NAALADL2: variants seen among roughly 807,000 people sequenced by gnomAD.
NAALADL2 encodes inactive N-acetylated-alpha-linked acidic dipeptidase-like protein 2.
Under a neutral mutation model 87.2 loss-of-function variants are expected in NAALADL2, and 76 were observed. The observed-to-expected ratio is 0.87, with a 90% CI of 0.72 to 1.05. The LOEUF (loss-of-function observed/expected upper bound fraction) is 1.05, where lower values mean the gene tolerates loss of function less well. Among genes scored for constraint, NAALADL2 ranks in the 50% least tolerant of loss-of-function variants. NAALADL2 has a pLI of 0.00. For missense variants in NAALADL2, 1,089 were observed against 945.8 expected, an observed-to-expected ratio of 1.15 and a Z score of -1.99; for synonymous variants, 354 against 331.0, an observed-to-expected ratio of 1.07 and a Z score of -0.75.
chr3:175,236,535 T>G (rs1398045534), intron 3 of NAALADL2, among the ~76,000 whole-genome samples: 4 of 116,694 alleles, frequency 3.4e-5, no homozygotes, highest in Admixed American at 1.0e-4. Context: ...GCAACAAGAG[T>G]GAAACTCCTT....
At chr3:174,786,858 T>G (rs1190386108) in intron 3 of NAALADL2, among the ~76,000 whole-genome samples, 1 of 152,102 alleles carries the variant, frequency 6.6e-6, no homozygotes, top group Non-Finnish European at 1.5e-5. Flanking sequence ...AAAATTAAAT[T>G]GTCGTCTTCT....
intron 2 of NAALADL2, among the ~76,000 whole-genome samples, chr3:174,636,847 A>G (rs978201354): frequency 6.6e-6 from 1 of 152,198 alleles, no homozygotes; most frequent in African/African-American, 2.4e-5. Flanking sequence ...ATACATCAGC[A>G]TGTCAAAGAC....
intron 3 of NAALADL2, among the ~76,000 whole-genome samples, chr3:174,854,304 C>T (rs1560289125): frequency 6.6e-6 from 1 of 152,054 alleles, no homozygotes; most frequent in Non-Finnish European, 1.5e-5. Flanking sequence ...TGCATGTTCT[C>T]ACTCATATGT....
At chr3:175,654,072 G>A (rs1053018409) in intron 11 of NAALADL2, among the ~76,000 whole-genome samples, 4 of 152,132 alleles carry the variant, frequency 2.6e-5, no homozygotes, top group African/African-American at 4.8e-5. Context: ...CTGACCCCTG[G>A]ATTTTATCAT....
chr3:175,734,391 A>ACATGTTTTGTAC (rs1198133784), intron 11 of NAALADL2, among the ~76,000 whole-genome samples: 252 of 152,094 alleles, frequency 1.7e-3, no homozygotes, highest in African/African-American at 5.8e-3. Flanking sequence ...CATCTCTACT[A>ACATGTTTTGTAC]AAAATACAAA....
chr3:174,597,672 C>T (rs1718048560), intron 2 of NAALADL2, among the ~76,000 whole-genome samples: 1 of 152,192 alleles, frequency 6.6e-6, no homozygotes, highest in South Asian at 2.1e-4. Flanking sequence ...AAACCCTTTG[C>T]AGTGCATCTT....
chr3:175,312,850 C>T (rs919847562), intron 4 of NAALADL2, among the ~76,000 whole-genome samples: 5 of 152,148 alleles, frequency 3.3e-5, no homozygotes, highest in African/African-American at 1.2e-4. Flanking sequence ...ATAATTTGAC[C>T]TAAAGTTGAC....
rs546135129 is a variant in NAALADL2 at position 174,606,660 on chromosome 3, T to C, written c.-115+56023T>C. The stretch of plus-strand genomic sequence containing the variant: ...AAATGAACAAAGCCTCCAAGAAATA[T>C]GGGACTATGTGAAAAGACCAAATCT... On this transcript the variant is annotated intron_variant, in intron 2 of 3. Transcript: ENST00000434257. Among the ~76,000 whole-genome samples the C allele has an allele frequency of 1.9e-3, 292 of 152,194 alleles. 2 individuals are homozygous for C. The highest frequency in any genetic ancestry group is 6.5e-3 in the African/African-American group (271 of 41,518).
intron 1 of NAALADL2, among the ~76,000 whole-genome samples, chr3:174,509,661 C>T (rs1386108904): frequency 2.2e-5 from 3 of 139,372 alleles, no homozygotes; most frequent in Non-Finnish European, 3.0e-5. Flanking sequence ...CTCCTGACCT[C>T]GTAATCCGCC....
chr3:175,343,596 C>A (rs1457770198), intron 5 of NAALADL2, among the ~76,000 whole-genome samples: 5 of 145,504 alleles, frequency 3.4e-5, no homozygotes, highest in Non-Finnish European at 7.4e-5. Context: ...CCTGGTCTTT[C>A]ATGCATTATG....
At chr3:174,481,517 C>G (rs897373384) in intron 1 of NAALADL2, among the ~76,000 whole-genome samples, 1 of 152,028 alleles carries the variant, frequency 6.6e-6, no homozygotes, top group Non-Finnish European at 1.5e-5. Flanking sequence ...GTCTACACAG[C>G]CAAATTACAC....
chr3:175,072,181 C>G (rs757631757), intron 1 of NAALADL2, among the ~76,000 whole-genome samples: 1 of 152,006 alleles, frequency 6.6e-6, no homozygotes, highest in Non-Finnish European at 1.5e-5. Context: ...CAAAAAAGGA[C>G]AGGCTAGTGT....
At chr3:175,494,448 C>T (rs1281224610) in intron 9 of NAALADL2, among the ~76,000 whole-genome samples, 2 of 152,084 alleles carry the variant, frequency 1.3e-5, no homozygotes, top group Admixed American at 6.6e-5. Context: ...GGAAATTATA[C>T]ATTCCCTGTC....
At chr3:175,400,531 A>C (rs1770428621) in intron 5 of NAALADL2, among the ~76,000 whole-genome samples, 1 of 152,166 alleles carries the variant, frequency 6.6e-6, no homozygotes, top group African/African-American at 2.4e-5. Context: ...ACAAAACAAT[A>C]AAAATAAGCA....
At position 175,755,321 on chromosome 3, in the gene NAALADL2, A is replaced by G; in HGVS notation, c.2092A>G (p.Lys698Glu). 1 of 1,613,646 alleles carries G rather than the reference A, an allele frequency of 6.2e-7. No homozygotes were observed. The highest frequency in any genetic ancestry group is 8.5e-7 in the Non-Finnish European group (1 of 1,179,774). Residue 698 changes from lysine to glutamate, a missense_variant, in exon 13 of 14, where the codon AAG (lysine) becomes GAG (glutamate). Physicochemically the swap from Lys to Glu is moderately conservative, Grantham distance 56. Coordinates refer to ENST00000454872, the MANE Select transcript of NAALADL2 (RefSeq NM_207015.3). ...SDEMRPANDPKERAPIRIRML... is the reference protein window; with the variant it reads ...SDEMRPANDPEERAPIRIRML... ...TGAGATGCGACCTGCTAATGATCCCAAGGAGAGAGCACCCATCCGCATCCG... is the reference window on the plus strand; with the variant it reads ...TGAGATGCGACCTGCTAATGATCCCGAGGAGAGAGCACCCATCCGCATCCG...
intron 2 of NAALADL2, among the ~76,000 whole-genome samples, chr3:174,584,047 G>A (rs1214795930): frequency 6.6e-6 from 1 of 152,092 alleles, no homozygotes; most frequent in African/African-American, 2.4e-5. Flanking sequence ...TAAAGTGATA[G>A]TCCTTTATCT....
At chr3:174,473,317 G>A (rs541358202) in intron 1 of NAALADL2, among the ~76,000 whole-genome samples, 7 of 152,108 alleles carry the variant, frequency 4.6e-5, no homozygotes, top group African/African-American at 1.4e-4. Flanking sequence ...AAGAAAATAC[G>A]ACTTTTTGCT....
chr3:174,983,053 C>T (rs2108661787), intron 1 of NAALADL2, among the ~76,000 whole-genome samples: 1 of 152,284 alleles, frequency 6.6e-6, no homozygotes, highest in South Asian at 2.1e-4. Context: ...CTGCCTCGGC[C>T]TCCCAAAGTG....
chr3:174,660,844 A>G (rs1046251894), intron 2 of NAALADL2, among the ~76,000 whole-genome samples: 5 of 152,150 alleles, frequency 3.3e-5, no homozygotes, highest in African/African-American at 1.2e-4. Flanking sequence ...CCACGGACCC[A>G]GAGTACCTTT....
Sources: allele counts gnomAD v4.1 joint callset (sites outside exome capture counted in the v4.1 genomes callset), GRCh38; gene constraint gnomAD v4.1.1; transcripts MANE v1.5; gene names NCBI Gene and HGNC (gene_info 2026-07-23, HGNC 2026-07-21).